CEACAM21: variants seen among roughly 807,000 people sequenced by gnomAD.
CEACAM21 encodes the protein cell adhesion molecule CEACAM21.
Under a neutral mutation model 33.2 loss-of-function variants are expected in CEACAM21, and 38 were observed. The observed-to-expected ratio is 1.14, with a 90% confidence interval of 0.88 to 1.50. The LOEUF (loss-of-function observed/expected upper bound fraction) is 1.50, where lower values mean the gene tolerates loss of function less well. Among genes scored for constraint, CEACAM21 ranks in the 40% most tolerant of loss-of-function variants. The pLI is 0.00. For synonymous variants in CEACAM21, 156 were observed against 143.0 expected, an observed-to-expected ratio of 1.09 and a Z score of -0.65; for missense variants, 385 against 364.6, an observed-to-expected ratio of 1.06 and a Z score of -0.46.
At chr19:41,586,119 C>T (rs1280338705) in intron 6 of CEACAM21, 3 of 605,716 alleles carry the variant, frequency 5.0e-6, no homozygotes, top group African/African-American at 3.7e-5. Flanking sequence ...AGGAATCCTT[C>T]CCTGTCCCCT....
At chr19:41,583,949 C>A (rs1380764634) in intron 3 of CEACAM21, among the ~76,000 whole-genome samples, 1 of 152,160 alleles carries the variant, frequency 6.6e-6, no homozygotes, top group Non-Finnish European at 1.5e-5. Flanking sequence ...ATGTGGAAGG[C>A]CCCTGAAAAC....
At chr19:41,553,773 T>G (rs1443092176) in intron 1 of CEACAM21, 1 of 152,094 alleles carries the variant, frequency 6.6e-6, no homozygotes, top group Non-Finnish European at 1.5e-5. Context: ...CTTTATTAGC[T>G]CCACAAGTCA....
chr19:41,576,003 C>G (rs1555790867), upstream of CEACAM21, among the ~76,000 whole-genome samples: 1 of 152,098 alleles, frequency 6.6e-6, no homozygotes, highest in African/African-American at 2.4e-5. Flanking sequence ...ATCAGCGTTG[C>G]TTCTCAAAGT....
intron 1 of CEACAM21, among the ~76,000 whole-genome samples, chr19:41,557,857 G>A (rs1379988403): frequency 1.3e-5 from 2 of 152,204 alleles, no homozygotes; most frequent in Non-Finnish European, 1.5e-5. Flanking sequence ...TCTACTTGGT[G>A]TGTAAGGTAG....
Position 41,577,510 on chromosome 19 carries a change from A to C in CEACAM21, c.375A>C (p.Thr125=). The change falls in exon 2 of 7, where the codon ACA becomes ACC. Residue 125 remains threonine (T), a synonymous_variant. Transcript: ENST00000401445. ...EDTGYYNLQV[T]YRNSQIEQAS... is the part of the protein sequence containing the mutation. Reference sequence around the variant, plus strand: ...CGGGATACTACAACCTACAAGTCACATACAGAAATTCTCAGATTGAACAGG... The same window carrying C: ...CGGGATACTACAACCTACAAGTCACCTACAGAAATTCTCAGATTGAACAGG... 6.2e-7 allele frequency: 1 copy of C among 1,614,064 alleles called. No homozygotes were observed. The highest frequency in any genetic ancestry group is 8.5e-7 in the Non-Finnish European group (1 of 1,179,994).
At chr19:41,553,481 G>A (rs1555784891) in intron 1 of CEACAM21, among the ~76,000 whole-genome samples, 2 of 152,068 alleles carry the variant, frequency 1.3e-5, no homozygotes, top group African/African-American at 4.8e-5. Flanking sequence ...TTATTTGTAC[G>A]AGGTGCAGCA....
chr19:41,570,320 T>C (rs181294684), intron 2 of CEACAM21, among the ~76,000 whole-genome samples: 1 of 152,282 alleles, frequency 6.6e-6, no homozygotes, highest in East Asian at 1.9e-4. Context: ...GGAAAGGCTG[T>C]CGCTCCTAAT....
chr19:41,579,946 G>T (rs1209277982), intron 3 of CEACAM21, among the ~76,000 whole-genome samples: 3 of 152,184 alleles, frequency 2.0e-5, no homozygotes, highest in African/African-American at 7.2e-5. Flanking sequence ...CCTTAACAAG[G>T]TCATGCACAG....
chr19:41,566,140 T>A (rs115730366), intron 2 of CEACAM21, among the ~76,000 whole-genome samples: 387 of 152,282 alleles, frequency 2.5e-3, no homozygotes, highest in African/African-American at 8.8e-3. Context: ...AAATCAACCC[T>A]AACATAAAGG....
chr19:41,585,353 G>A, intron 4 of CEACAM21, 90 bp from the exon 5 acceptor site: 1 of 1,381,312 alleles, frequency 7.2e-7, no homozygotes, highest in Non-Finnish European at 1.0e-6. Context: ...TACCCCTCTT[G>A]GAAATAGGCT....
intron 1 of CEACAM21, chr19:41,552,384 G>A (rs1477227489): frequency 2.0e-5 from 3 of 152,178 alleles, no homozygotes; most frequent in Non-Finnish European, 4.4e-5. Context: ...AACAGGTCTG[G>A]TTAAGAATTC....
At chr19:41,569,509 G>A (rs930162112) in intron 2 of CEACAM21, among the ~76,000 whole-genome samples, 8 of 152,110 alleles carry the variant, frequency 5.3e-5, no homozygotes, top group African/African-American at 1.4e-4. Context: ...ATGGGATTGC[G>A]GGGGGCGGGT....
At chr19:41,578,695 T>C (rs1275383392) in intron 2 of CEACAM21, among the ~76,000 whole-genome samples, 2 of 152,176 alleles carry the variant, frequency 1.3e-5, no homozygotes, top group Non-Finnish European at 2.9e-5. Flanking sequence ...AAATCACCTG[T>C]CTCAACTATC....
intron 6 of CEACAM21, chr19:41,586,135 C>T: frequency 1.7e-6 from 1 of 600,926 alleles, no homozygotes; most frequent in Non-Finnish European, 3.0e-6. Context: ...CCCCTGACAC[C>T]CCTCTCTCCC....
upstream of CEACAM21, among the ~76,000 whole-genome samples, chr19:41,576,020 T>C (rs1422802543): frequency 6.6e-6 from 1 of 151,988 alleles, no homozygotes; most frequent in Admixed American, 6.6e-5. Context: ...AAGTTTTGCC[T>C]AGGGAACCAA....
intron 1 of CEACAM21, among the ~76,000 whole-genome samples, chr19:41,553,359 C>T (rs1381804951): frequency 6.6e-6 from 1 of 152,016 alleles, no homozygotes; most frequent in Non-Finnish European, 1.5e-5. Flanking sequence ...CCACCTCAGC[C>T]TCCCAAAGTG....
Position 41,585,863 on chromosome 19 carries a change from A to T in CEACAM21, c.874A>T (p.Ile292Phe), listed in dbSNP as rs2070699025. The change falls in exon 6 of 7, where the codon ATC (isoleucine) becomes TTC (phenylalanine). Residue 292 changes from isoleucine to phenylalanine, a missense_variant. Physicochemically the swap from Ile to Phe is conservative, Grantham distance 21 (BLOSUM62 0). Transcript: ENST00000401445. ...TPGHGPSDSS[I>F]S Reference sequence around the variant, plus strand: ...AGGCCATGGACCCTCTGACAGCTCCATCTCCTAGGTAAGACTGTCCGTTCC... The same window carrying T: ...AGGCCATGGACCCTCTGACAGCTCCTTCTCCTAGGTAAGACTGTCCGTTCC... 1.2e-6 allele frequency: 2 copies of T among 1,612,992 alleles called. No homozygotes were observed. Among genetic ancestry groups the T allele is most frequent in the Non-Finnish European group, 1.7e-6 (2 of 1,179,532 alleles).
Position 41,579,638 on chromosome 19 carries a change from C to T in CEACAM21, c.700+10C>T. 1 of 1,510,812 alleles carries T rather than the reference C, an allele frequency of 6.6e-7. No homozygotes were observed. The highest frequency in any genetic ancestry group is 1.4e-5 in the African/African-American group (1 of 72,108). The allele number at this position is 1,510,812 out of a possible 1,614,324, so 93.6% of individuals were successfully genotyped here. A position where few individuals can be genotyped will look rare whatever the true frequency, so the allele number is the denominator to read the frequency against. ...AAGCTGACTGTAAAATGTGAGTGAC[C>T]CTCGGCCCCTCTCACTCCTTTCCTT... On this transcript the variant is annotated intron_variant, in intron 3 of 6. Coordinates refer to ENST00000401445, the MANE Select transcript of CEACAM21 (RefSeq NM_001098506.4).
In CEACAM21 at chr19:41,584,303, CT is replaced by C. The variant is rs782128831; in HGVS notation, c.701-43del. The stretch of plus-strand genomic sequence containing the variant: ...CCTGCAAGGCCCCTCATGGTTCCCC[CT>C]GGAACAGATTTGGACCTCATCCCCT... On this transcript the variant is annotated intron_variant, in intron 3 of 6. Transcript: ENST00000401445. 1.4e-4 allele frequency: 217 copies of C among 1,547,576 alleles called. 4 individuals carry two copies. In the South Asian group the frequency reaches 2.1e-3, roughly 15 times the overall value.
Sources: gnomAD v4.1 joint callset for allele counts (sites outside exome capture counted in the v4.1 genomes callset) on GRCh38, gnomAD v4.1.1 for gene constraint, MANE v1.5 for transcripts, NCBI Gene and HGNC (gene_info 2026-07-23, HGNC 2026-07-21) for gene names.